The following HS6ST2 variants were observed in gnomAD, a reference collection of about 807,000 sequenced individuals.
HS6ST2 encodes heparan-sulfate 6-O-sulfotransferase 2.
Under a neutral mutation model 33.0 loss-of-function variants are expected in HS6ST2, and 17 were observed. That is an observed-to-expected ratio of 0.52 (90% confidence interval 0.35 to 0.77). HS6ST2 has a LOEUF of 0.77. Ranked by LOEUF, HS6ST2 falls within the 30% of genes least tolerant of loss-of-function variation. HS6ST2 has a pLI of 0.01. For missense variants in HS6ST2, 519 were observed against 551.7 expected, an observed-to-expected ratio of 0.94 and a Z score of 0.59; for synonymous variants, 248 against 237.1, an observed-to-expected ratio of 1.05 and a Z score of -0.42.
intron 3 of HS6ST2, among the ~76,000 whole-genome samples, chrX:132,700,066 G>A (rs745414835): frequency 8.9e-6 from 1 of 111,854 alleles, no homozygotes; most frequent in African/African-American, 3.2e-5. Context: ...ATGAACAAGA[G>A]CTCCCAGGGA....
chrX:132,728,247 C>G (rs2064416482), intron 2 of HS6ST2, among the ~76,000 whole-genome samples: 1 of 112,154 alleles, frequency 8.9e-6, no homozygotes, highest in African/African-American at 3.2e-5. Flanking sequence ...ATTTTACATT[C>G]CCACCAGCAA....
rs1341856709 is a variant in HS6ST2 at position 132,807,281 on chromosome X, T to C, written c.948-98787A>G. On this transcript the variant is annotated intron_variant, in intron 2 of 4. Transcript: ENST00000370833. ...TGAATACAGTGGCTCCAAATAAAAA[T>C]TGTATCAGGTACATGAACTAGTGGG... 2.7e-5 allele frequency among the ~76,000 whole-genome samples: 3 copies of C among 110,423 alleles called. 1 individual carries two copies. The highest frequency in any genetic ancestry group is 5.7e-5 in the Non-Finnish European group (3 of 52,231).
At chrX:132,943,627 G>A (rs1458644573) in intron 2 of HS6ST2, among the ~76,000 whole-genome samples, 3 of 110,962 alleles carry the variant, frequency 2.7e-5, no homozygotes, top group Non-Finnish European at 3.8e-5. Flanking sequence ...CTGGCAAACC[G>A]AATCCAGCAG....
At chrX:132,651,425 T>A (rs1167921066) in intron 4 of HS6ST2, among the ~76,000 whole-genome samples, 4 of 111,958 alleles carry the variant, frequency 3.6e-5, no homozygotes, top group Non-Finnish European at 5.6e-5. Flanking sequence ...TGTTTGTGTT[T>A]CCATATAATC....
At position 132,816,569 on chromosome X, in the gene HS6ST2, G is replaced by A. The variant is rs180989096; in HGVS notation, c.948-108075C>T. ...AAATAAAAGGAGCATATTAATTACT[G>A]GGAATATAGTCTGAAGTTTGTGCAA... On this transcript the variant is annotated intron_variant, in intron 2 of 4. Transcript: ENST00000370833. 3.1e-3 allele frequency among the ~76,000 whole-genome samples: 353 copies of A among 112,137 alleles called. 1 individual carries two copies. The highest frequency in any genetic ancestry group is 0.011 in the African/African-American group (332 of 30,863).
intron 2 of HS6ST2, among the ~76,000 whole-genome samples, chrX:132,750,459 C>T (rs762460460): frequency 9.0e-6 from 1 of 110,823 alleles, no homozygotes; most frequent in African/African-American, 3.3e-5. Context: ...AACCAAAAGC[C>T]ACAACAATCT....
intron 2 of HS6ST2, among the ~76,000 whole-genome samples, chrX:132,940,006 G>GA (rs1290830961): frequency 9.0e-6 from 1 of 111,711 alleles, no homozygotes; most frequent in Non-Finnish European, 1.9e-5. Context: ...TCTAGAGAAA[G>GA]AAAAAATAAA....
intron 2 of HS6ST2, among the ~76,000 whole-genome samples, chrX:132,869,808 T>C (rs2066038408): frequency 8.9e-6 from 1 of 111,739 alleles, no homozygotes; most frequent in African/African-American, 3.2e-5. Flanking sequence ...ACAGCCAATA[T>C]CATAATGAAT....
At chrX:132,687,173 T>A (rs1440052285) in intron 3 of HS6ST2, among the ~76,000 whole-genome samples, 2 of 111,573 alleles carry the variant, frequency 1.8e-5, no homozygotes, top group African/African-American at 6.5e-5. Context: ...CGCCTGTATG[T>A]CTTCTGTCCA....
At chrX:132,740,212 C>T (rs1295199624) in intron 2 of HS6ST2, among the ~76,000 whole-genome samples, 4 of 112,416 alleles carry the variant, frequency 3.6e-5, no homozygotes, top group Non-Finnish European at 7.5e-5. Flanking sequence ...AAAATAATTT[C>T]TCTTGTTAGT....
rs41300279 is a variant in HS6ST2 at position 132,628,946 on chromosome X, G to A, written c.1215C>T (p.Tyr405=). The A allele has an allele frequency of 5.5e-5, 66 of 1,209,517 alleles. No homozygotes were observed. The highest frequency in any genetic ancestry group is 6.5e-5 in the Non-Finnish European group (58 of 894,978). Residue 405 remains tyrosine (Y), a synonymous_variant, in exon 5 of 5, where the codon TAC becomes TAT. Transcript: ENST00000370833. ...GGCAGCCAGACCAGTCATCGCCAGTGTAGCAGCTGGGCAGCTCTTCGGAGG... is the reference window on the plus strand; with the variant it reads ...GGCAGCCAGACCAGTCATCGCCAGTATAGCAGCTGGGCAGCTCTTCGGAGG... ...PPTSEELPSC[Y]TGDDWSGCPL...
intron 2 of HS6ST2, among the ~76,000 whole-genome samples, chrX:132,865,745 T>TTCA (rs1253312450): frequency 8.9e-6 from 1 of 112,494 alleles, no homozygotes; most frequent in African/African-American, 3.2e-5. Context: ...TGAGCATTAT[T>TTCA]TCATGTGTTT....
At chrX:132,751,620 G>A (rs984960579) in intron 2 of HS6ST2, among the ~76,000 whole-genome samples, 8 of 112,501 alleles carry the variant, frequency 7.1e-5, no homozygotes, top group African/African-American at 9.7e-5. Flanking sequence ...TTCTTCCTGT[G>A]AGCATGGAAA....
At chrX:132,831,185 C>G (rs1024655811) in intron 2 of HS6ST2, among the ~76,000 whole-genome samples, 10 of 110,534 alleles carry the variant, frequency 9.0e-5, no homozygotes, top group Non-Finnish European at 1.7e-4. Context: ...GGATTAAGGG[C>G]CAAATAATAA....
chrX:132,942,304 G>C (rs985662864), intron 2 of HS6ST2, among the ~76,000 whole-genome samples: 6 of 112,182 alleles, frequency 5.3e-5, no homozygotes, highest in Non-Finnish European at 1.1e-4. Context: ...TCAGCCCAAT[G>C]TCACACTGGC....
rs182286909 is a variant in HS6ST2, at chrX:132,908,735, G to A, written c.947+48073C>T. On this transcript the variant is annotated intron_variant, in intron 2 of 4. Coordinates refer to ENST00000370833, the MANE Select transcript of HS6ST2 (RefSeq NM_001394073.1). ...AGAGGTGTGAGGAATGGGGAGACTA[G>A]GAGTGAAGGCTAAAGAGTGAGGGGT... is the stretch of plus-strand genomic sequence containing the variant. Among the ~76,000 whole-genome samples, 733 of 110,837 alleles carry A rather than the reference G, an allele frequency of 6.6e-3. 2 individuals are homozygous for A. Among genetic ancestry groups the A allele is most frequent in the Non-Finnish European group, 0.011 (560 of 52,998 alleles).
chrX:132,855,303 T>C (rs1291424182), intron 2 of HS6ST2, among the ~76,000 whole-genome samples: 1 of 112,350 alleles, frequency 8.9e-6, no homozygotes. Context: ...CATAGTCTCA[T>C]TTTATTCTCA....
At chrX:132,774,990 G>A (rs1025612018) in intron 2 of HS6ST2, among the ~76,000 whole-genome samples, 1 of 110,894 alleles carries the variant, frequency 9.0e-6, no homozygotes, top group Admixed American at 9.7e-5. Flanking sequence ...CCAAAGTACC[G>A]TTTTCTTCAT....
chrX:132,950,630 C>G (rs1178602529), intron 2 of HS6ST2, among the ~76,000 whole-genome samples: 1 of 111,155 alleles, frequency 9.0e-6, no homozygotes, highest in Non-Finnish European at 1.9e-5. Context: ...TGAAATAAAA[C>G]AGTTTTTCCA....
Sources: allele counts gnomAD v4.1 joint callset (sites outside exome capture counted in the v4.1 genomes callset), GRCh38; gene constraint gnomAD v4.1.1; transcripts MANE v1.5; gene names NCBI Gene and HGNC (gene_info 2026-07-23, HGNC 2026-07-21).